ZNF662: variants seen among roughly 807,000 people sequenced by gnomAD.
ZNF662 encodes zinc finger protein 662.
ZNF662 carries 14 observed loss-of-function variants against 12.4 expected under a neutral mutation model. The ratio of observed to expected loss-of-function variants is 1.13; its 90% CI spans 0.75 to 1.77. The LOEUF is 1.77. Among genes scored for constraint, ZNF662 ranks in the 40% most tolerant of loss-of-function variants. ZNF662 has a pLI of 0.00. For synonymous variants in ZNF662, 184 were observed against 176.4 expected (o/e 1.04, Z -0.34); for missense variants, 550 against 515.6 (o/e 1.07, Z -0.65).
chr3:42,906,360 C>T lies in ZNF662; in HGVS notation c.-94+192C>T, dbSNP rs1379192465. The T allele has an allele frequency of 5.2e-6, 8 of 1,527,832 alleles. No individual in the cohort carries two copies. Among genetic ancestry groups the T allele is most frequent in the Admixed American group, 4.0e-5 (2 of 50,274 alleles). The allele number at this position is 1,527,832 out of a possible 1,614,324, so 94.6% of individuals were successfully genotyped here. A position where few individuals can be genotyped will look rare whatever the true frequency, so the allele number is the denominator to read the frequency against. On this transcript the variant is annotated intron_variant, in intron 1 of 4. Coordinates refer to ENST00000440367, the MANE Select transcript of ZNF662 (RefSeq NM_207404.4). The surrounding 1 kb of genome is among the most constrained non-coding windows in gnomAD (Gnocchi z 4.4). ...AGAGGGCGACCTGGGCTATGGCGGCCGTGGCGCTGGCGAGCGGGACACGCC... is the reference window on the plus strand; with the variant it reads ...AGAGGGCGACCTGGGCTATGGCGGCTGTGGCGCTGGCGAGCGGGACACGCC...
At position 42,918,750 on chromosome 3, in the gene ZNF662, C is replaced by G. The variant is rs1176420164; in HGVS notation, c.*3396C>G. 6.6e-6 allele frequency among the ~76,000 whole-genome samples: 1 copy of G among 152,090 alleles called. No individual in the cohort carries two copies. The highest frequency in any genetic ancestry group is 2.4e-5 in the African/African-American group (1 of 41,412). Reference sequence around the variant, plus strand: ...CCCTCAGAGGCCTATCTAAGGGTCCCTGGTAAAAGGTGGCCATCATTTGAG... The same window carrying G: ...CCCTCAGAGGCCTATCTAAGGGTCCGTGGTAAAAGGTGGCCATCATTTGAG... On this transcript the variant is annotated 3_prime_UTR_variant, in exon 5 of 5. Coordinates refer to ENST00000440367, the MANE Select transcript of ZNF662 (RefSeq NM_207404.4).
At chr3:42,910,981 G>T (rs1386496135) in intron 3 of ZNF662, among the ~76,000 whole-genome samples, 1 of 152,182 alleles carries the variant, frequency 6.6e-6, no homozygotes, top group African/African-American at 2.4e-5. Context: ...CTCTGTCTCC[G>T]TATGTGTTGG....
chr3:42,914,758 T>C lies in ZNF662; in HGVS notation c.685T>C (p.Phe229Leu), dbSNP rs1347465305. The change falls in exon 5 of 5, where the codon TTC becomes CTC. Residue 229 changes from phenylalanine to leucine, a missense_variant. Transcript: ENST00000440367. Reference protein sequence around the residue: ...VYGCKECGKAFSFRSHCIAHQ... With the variant: ...VYGCKECGKALSFRSHCIAHQ... ...TGGATGTAAGGAATGTGGGAAGGCT[T>C]TCAGTTTTCGATCACATTGCATTGC... is the stretch of plus-strand genomic sequence containing the variant. The C allele has an allele frequency of 3.1e-6, 5 of 1,614,034 alleles. No homozygotes were observed. The highest frequency in any genetic ancestry group is 4.2e-6 in the Non-Finnish European group (5 of 1,180,002).
intron 3 of ZNF662, among the ~76,000 whole-genome samples, chr3:42,911,756 AAC>A (rs756829069): frequency 1.1e-4 from 17 of 152,162 alleles, no homozygotes; most frequent in Non-Finnish European, 2.2e-4. Flanking sequence ...GATCTCTGTG[AAC>A]AGAGGTGTCT....
At position 42,913,387 on chromosome 3, in the gene ZNF662, A is replaced by T. The variant is rs1257784347; in HGVS notation, c.253+85A>T. The T allele has an allele frequency of 2.6e-6, 3 of 1,164,510 alleles. No individual in the cohort carries two copies. In the East Asian group the frequency reaches 7.1e-5, roughly 28 times the overall value. 72.1% of individuals were successfully genotyped at this position (1,164,510 alleles called of 1,614,324 possible). A position where few individuals can be genotyped will look rare whatever the true frequency, so the allele number is the denominator to read the frequency against. ...ATAAGATGTAAAAGTCCATTTTGCC[A>T]TTCATGTTCTAAACAAATATGGGGA... On this transcript the variant is annotated intron_variant, in intron 4 of 4. Coordinates refer to ENST00000440367, the MANE Select transcript of ZNF662 (RefSeq NM_207404.4).
At position 42,917,425 on chromosome 3, in the gene ZNF662, G is replaced by A. The variant is rs777735560; in HGVS notation, c.*2071G>A. ...GGAAAATGTGAGACCTAGAATTATAGCAACTTTTTTTTTCTGTTAAAAGGG... is the reference window on the plus strand; with the variant it reads ...GGAAAATGTGAGACCTAGAATTATAACAACTTTTTTTTTCTGTTAAAAGGG... On this transcript the variant is annotated 3_prime_UTR_variant, in exon 5 of 5. Coordinates refer to ENST00000440367, the MANE Select transcript of ZNF662 (RefSeq NM_207404.4). 7 of 676,558 alleles carry A rather than the reference G, an allele frequency of 1.0e-5. No homozygotes were observed. The highest frequency in any genetic ancestry group is 6.4e-5 in the South Asian group (4 of 62,142). The allele number at this position is 676,558 out of a possible 1,614,324, so 41.9% of individuals were successfully genotyped here. A position where few individuals can be genotyped will look rare whatever the true frequency, so the allele number is the denominator to read the frequency against.
chr3:42,914,678 A>G lies in ZNF662; in HGVS notation c.605A>G (p.Asp202Gly). 1.2e-6 allele frequency: 2 copies of G among 1,614,228 alleles called. No homozygotes were observed. Among genetic ancestry groups the G allele is most frequent in the Non-Finnish European group, 1.7e-6 (2 of 1,180,036 alleles). ...YICEECGKCFDQNEDFDQHQK... is the reference protein window; with the variant it reads ...YICEECGKCFGQNEDFDQHQK... Reference sequence around the variant, plus strand: ...TGTGAGGAATGCGGCAAGTGTTTTGATCAAAATGAGGACTTTGATCAACAC... The same window carrying G: ...TGTGAGGAATGCGGCAAGTGTTTTGGTCAAAATGAGGACTTTGATCAACAC... The change falls in exon 5 of 5, where the codon GAT becomes GGT. Residue 202 changes from aspartate to glycine, a missense_variant. By Grantham distance (94) the Asp-to-Gly change is moderately conservative. Coordinates refer to ENST00000440367, the MANE Select transcript of ZNF662 (RefSeq NM_207404.4).
intron 3 of ZNF662, among the ~76,000 whole-genome samples, chr3:42,912,700 A>ATATATAAATATATATATTTTTTTTT (rs2088838551): frequency 2.3e-5 from 2 of 87,048 alleles, no homozygotes; most frequent in Non-Finnish European, 4.1e-5. Flanking sequence ...TATATTTTAT[A>ATATATAAATATATATATTTTTTTTT]TATATAAATA....
chr3:42,909,030 C>A, intron 3 of ZNF662, 121 bp downstream of exon 3: 1 of 603,442 alleles, frequency 1.7e-6, no homozygotes. Flanking sequence ...CATTTCTTCT[C>A]TGTGTTCCCA....
chr3:42,913,365 A>G (rs2088854843), intron 4 of ZNF662, 63 bp downstream of exon 4: 2 of 1,358,798 alleles, frequency 1.5e-6, no homozygotes, highest in Non-Finnish European at 2.1e-6. Flanking sequence ...TTCTTTTATA[A>G]GATGTAAAAG....
At position 42,906,379 on chromosome 3, in the gene ZNF662, A is replaced by G; in HGVS notation, c.-94+211A>G. On this transcript the variant is annotated intron_variant, in intron 1 of 4. Coordinates refer to ENST00000440367, the MANE Select transcript of ZNF662 (RefSeq NM_207404.4). This position sits in a 1 kb window ranked among gnomAD's most constrained non-coding sequence, Gnocchi z 4.4. ...GGCGGCCGTGGCGCTGGCGAGCGGG[A>G]CACGCCTCGGCCTTGTCCTCGAGCT... is the stretch of plus-strand genomic sequence containing the variant. 6.6e-7 allele frequency: 1 copy of G among 1,525,072 alleles called. No individual in the cohort carries two copies. The highest frequency in any genetic ancestry group is 2.0e-5 in the Admixed American group (1 of 50,110). 94.5% of individuals were successfully genotyped at this position (1,525,072 alleles called of 1,614,324 possible). A position where few individuals can be genotyped will look rare whatever the true frequency, so the allele number is the denominator to read the frequency against.
chr3:42,909,687 G>A (rs995751215), intron 3 of ZNF662, among the ~76,000 whole-genome samples: 3 of 150,570 alleles, frequency 2.0e-5, no homozygotes, highest in Non-Finnish European at 2.9e-5. Flanking sequence ...GCGGCTGGGC[G>A]GGGGCTGCCC....
chr3:42,909,219 G>T (rs1024387074), intron 3 of ZNF662, among the ~76,000 whole-genome samples: 2 of 152,150 alleles, frequency 1.3e-5, no homozygotes, highest in African/African-American at 4.8e-5. Flanking sequence ...GCCGCCTTCC[G>T]TAGTGTTTGT....
intron 3 of ZNF662, among the ~76,000 whole-genome samples, chr3:42,912,854 C>T (rs923144966): frequency 6.7e-6 from 1 of 148,808 alleles, no homozygotes; most frequent in African/African-American, 2.5e-5. Context: ...ATTCTCCTGC[C>T]TCAGCCTCCT....
chr3:42,915,094 T>A lies in ZNF662; in HGVS notation c.1021T>A (p.Phe341Ile), dbSNP rs1460746606. Residue 341 changes from phenylalanine to isoleucine, a missense_variant, in exon 5 of 5, where the codon TTC becomes ATC. Physicochemically the swap from Phe to Ile is conservative, Grantham distance 21 (BLOSUM62 0). Coordinates refer to ENST00000440367, the MANE Select transcript of ZNF662 (RefSeq NM_207404.4). The stretch of plus-strand genomic sequence containing the variant: ...CGAATGTAAGGACTGTGGGAAGGGC[T>A]TCATGTGGAACTCAGATCTTTCTCA... ...PYECKDCGKG[F>I]MWNSDLSQHQ... 6.2e-7 allele frequency: 1 copy of A among 1,614,192 alleles called. No homozygotes were observed. Among genetic ancestry groups the A allele is most frequent in the Non-Finnish European group, 8.5e-7 (1 of 1,180,038 alleles).
At chr3:42,910,071 C>T (rs1254946375) in intron 3 of ZNF662, among the ~76,000 whole-genome samples, 1 of 152,220 alleles carries the variant, frequency 6.6e-6, no homozygotes, top group African/African-American at 2.4e-5. Context: ...ACATTGAGCA[C>T]TGAGTGATCG....
rs1326926146 is a variant in ZNF662, at chr3:42,918,568, A to G, written c.*3214A>G. 6.6e-6 allele frequency among the ~76,000 whole-genome samples: 1 copy of G among 152,182 alleles called. No individual in the cohort carries two copies. The highest frequency in any genetic ancestry group is 1.5e-5 in the Non-Finnish European group (1 of 68,040). On this transcript the variant is annotated 3_prime_UTR_variant, in exon 5 of 5. Transcript: ENST00000440367. ...TGTTTAGGCAATCCCCCTGTGCACA[A>G]TGACCTGGGCAGCATTTGGCTGTCT... is the stretch of plus-strand genomic sequence containing the variant.
chr3:42,912,422 AATAT>A (rs1382456995), intron 3 of ZNF662, among the ~76,000 whole-genome samples: 169 of 98,408 alleles, frequency 1.7e-3, no homozygotes, highest in African/African-American at 4.1e-3. Flanking sequence ...TATATATATT[AATAT>A]ATATATAATA....
chr3:42,910,820 T>C (rs530303508), intron 3 of ZNF662, among the ~76,000 whole-genome samples: 1 of 152,316 alleles, frequency 6.6e-6, no homozygotes, highest in South Asian at 2.1e-4. Flanking sequence ...CAGTTCCTTG[T>C]TCTGTCTTTT....
Sources: gnomAD v4.1 joint callset for allele counts (sites outside exome capture counted in the v4.1 genomes callset) on GRCh38, gnomAD v4.1.1 for gene constraint, Gnocchi (gnomAD v3.1) non-coding constraint, MANE v1.5 for transcripts, NCBI Gene and HGNC (gene_info 2026-07-23, HGNC 2026-07-21) for gene names.